PRIM2: variants seen among roughly 807,000 people sequenced by gnomAD.
The protein encoded by PRIM2 is DNA primase large subunit.
In PRIM2, 39 loss-of-function variants were observed where a neutral mutation model predicts 67.3. The observed-to-expected ratio is 0.58, with a 90% confidence interval of 0.45 to 0.76. The LOEUF (loss-of-function observed/expected upper bound fraction) is 0.76. Ranked by LOEUF, PRIM2 falls within the 30% of genes least tolerant of loss-of-function variation. The pLI, the probability that PRIM2 is intolerant of heterozygous loss-of-function variation, is 0.00. For synonymous variants in PRIM2, 143 were observed against 198.7 expected, an observed-to-expected ratio of 0.72 and a Z score of 2.36; for missense variants, 398 against 598.7, an observed-to-expected ratio of 0.66 and a Z score of 3.50.
chr6:57,450,388 C>T (rs1772504758), intron 7 of PRIM2, among the ~76,000 whole-genome samples: 3 of 152,152 alleles, frequency 2.0e-5, no homozygotes, highest in Admixed American at 1.3e-4. Flanking sequence ...CACTACTGTA[C>T]CATAGTTTAT....
At chr6:57,251,654 A>T in the PRIM2 span, among the ~76,000 whole-genome samples, 1 of 152,226 alleles carries the variant, frequency 6.6e-6, no homozygotes, top group Non-Finnish European at 1.5e-5. Context: ...CCATTTATAC[A>T]GAAGGGGAAA....
chr6:57,341,498 G>A (rs1768489623), intron 5 of PRIM2, among the ~76,000 whole-genome samples: 1 of 152,094 alleles, frequency 6.6e-6, no homozygotes, highest in African/African-American at 2.4e-5. Flanking sequence ...CTCTCCCATG[G>A]CATCTGATAC....
chr6:57,295,934 G>A, the PRIM2 span, among the ~76,000 whole-genome samples: 12 of 152,136 alleles, frequency 7.9e-5, no homozygotes, highest in African/African-American at 2.9e-4. Context: ...GGATGAGGGG[G>A]GAATGGCATT....
chr6:57,439,572 C>T (rs191459865), intron 7 of PRIM2, among the ~76,000 whole-genome samples: 2 of 151,638 alleles, frequency 1.3e-5, no homozygotes, highest in South Asian at 2.1e-4. Context: ...CCCGCCACCA[C>T]GCCCAGCTAC....
At chr6:57,323,235 A>T (rs985256621) in intron 3 of PRIM2, among the ~76,000 whole-genome samples, 1 of 152,162 alleles carries the variant, frequency 6.6e-6, no homozygotes, top group South Asian at 2.1e-4. Flanking sequence ...CCACGAAATT[A>T]TATTTTCCAA....
intron 7 of PRIM2, among the ~76,000 whole-genome samples, chr6:57,459,356 C>T (rs71221650): frequency 0.71 from 108,261 of 151,900 alleles, 38,882 homozygotes; most frequent in African/African-American, 0.81. Context: ...TTGTTAAAAA[C>T]CTCATAGAAA....
intron 8 of PRIM2, among the ~76,000 whole-genome samples, chr6:57,519,770 CTGA>C (rs2127463793): frequency 6.6e-6 from 1 of 152,270 alleles, no homozygotes; most frequent in East Asian, 1.9e-4. Flanking sequence ...GATTGGGGAA[CTGA>C]TAAGTGTCCA....
the PRIM2 span, among the ~76,000 whole-genome samples, chr6:57,240,985 G>A: frequency 6.6e-6 from 1 of 152,006 alleles, no homozygotes; most frequent in Non-Finnish European, 1.5e-5. Context: ...AGCACTCTGG[G>A]AGGCTGAGGT....
intron 5 of PRIM2, among the ~76,000 whole-genome samples, chr6:57,373,903 T>C (rs958775738): frequency 1.3e-5 from 2 of 152,128 alleles, no homozygotes; most frequent in African/African-American, 4.8e-5. Context: ...TTGTTCTTTT[T>C]GCTTAGGGTT....
At chr6:57,502,392 A>T (rs1774151497) in intron 7 of PRIM2, among the ~76,000 whole-genome samples, 1 of 152,272 alleles carries the variant, frequency 6.6e-6, no homozygotes, top group South Asian at 2.1e-4. Flanking sequence ...ACTACTAACT[A>T]CAGAGTGGTT....
chr6:57,552,174 G>T (rs1275352392), intron 10 of PRIM2, among the ~76,000 whole-genome samples: 4 of 152,196 alleles, frequency 2.6e-5, no homozygotes, highest in African/African-American at 2.4e-5. Context: ...ACTCCCATTG[G>T]TGAGGCTTGG....
At chr6:57,410,010 G>A (rs1174681038) in intron 7 of PRIM2, among the ~76,000 whole-genome samples, 1 of 151,722 alleles carries the variant, frequency 6.6e-6, no homozygotes, top group Non-Finnish European at 1.5e-5. Context: ...TTCCTTGTTG[G>A]TTTTGGCACT....
intron 13 of PRIM2, among the ~76,000 whole-genome samples, chr6:57,642,643 G>A (rs1299855182): frequency 6.6e-5 from 10 of 151,522 alleles, no homozygotes; most frequent in South Asian, 2.1e-4. Flanking sequence ...GGGTTTCACC[G>A]TGTTAGCCAG....
the PRIM2 span, among the ~76,000 whole-genome samples, chr6:57,258,097 A>G: frequency 2.4e-4 from 36 of 152,292 alleles, no homozygotes; most frequent in East Asian, 6.4e-3. Context: ...TTAAAAACAA[A>G]GAGTAGCTGT....
chr6:57,293,230 A>G, the PRIM2 span, among the ~76,000 whole-genome samples: 1 of 152,260 alleles, frequency 6.6e-6, no homozygotes, highest in African/African-American at 2.4e-5. Flanking sequence ...CAGACATATG[A>G]AGAAATACTC....
At chr6:57,226,682 C>T in the PRIM2 span, among the ~76,000 whole-genome samples, 1 of 152,144 alleles carries the variant, frequency 6.6e-6, no homozygotes, top group South Asian at 2.1e-4. Context: ...CTAGGGAAAA[C>T]ATAGAGTAGT....
chr6:57,482,341 T>A (rs1218493925), intron 7 of PRIM2, among the ~76,000 whole-genome samples: 84 of 152,260 alleles, frequency 5.5e-4, no homozygotes, highest in African/African-American at 1.9e-3. Flanking sequence ...CGATAATTTA[T>A]ATTTTTCTTG....
the PRIM2 span, among the ~76,000 whole-genome samples, chr6:57,280,719 G>A: frequency 1.3e-5 from 2 of 151,958 alleles, no homozygotes; most frequent in South Asian, 4.2e-4. Flanking sequence ...CATATTGGTC[G>A]GCTGGTCTCG....
the PRIM2 span, among the ~76,000 whole-genome samples, chr6:57,302,286 T>TTA: frequency 6.6e-6 from 1 of 152,176 alleles, no homozygotes; most frequent in Non-Finnish European, 1.5e-5. Flanking sequence ...GATAGAGAGA[T>TTA]AGATAGAGTC....
Sources: gnomAD v4.1 joint callset for allele counts (sites outside exome capture counted in the v4.1 genomes callset) on GRCh38, gnomAD v4.1.1 for gene constraint, MANE v1.5 for transcripts, NCBI Gene and HGNC (gene_info 2026-07-23, HGNC 2026-07-21) for gene names.